SELENOO: variants seen among roughly 807,000 people sequenced by gnomAD.
SELENOO encodes the protein protein adenylyltransferase SelO, mitochondrial.
In SELENOO, 74 loss-of-function variants were observed where a neutral mutation model predicts 58.7. That is an observed-to-expected ratio of 1.26 (90% confidence interval 1.04 to 1.53). The LOEUF (loss-of-function observed/expected upper bound fraction) is 1.53, where lower values mean the gene tolerates loss of function less well. Ranked by LOEUF, SELENOO falls within the 40% of genes most tolerant of loss-of-function variation. SELENOO has a pLI of 0.00. For missense variants in SELENOO, 1,149 were observed against 970.0 expected (o/e 1.18, Z -2.45); for synonymous variants, 543 against 453.2 (o/e 1.20, Z -2.52).
intron 5 of SELENOO, among the ~76,000 whole-genome samples, chr22:50,212,358 G>A (rs1165231388): frequency 6.6e-6 from 1 of 152,048 alleles, no homozygotes; most frequent in Non-Finnish European, 1.5e-5. Context: ...AGTCAGTTTT[G>A]GTAATTTATG....
At chr22:50,213,007 T>C (rs576056934) in intron 5 of SELENOO, among the ~76,000 whole-genome samples, 11 of 152,346 alleles carry the variant, frequency 7.2e-5, no homozygotes, top group Admixed American at 7.2e-4. Context: ...CCATTTACAC[T>C]GTGCATGTCT....
intron 1 of SELENOO, among the ~76,000 whole-genome samples, chr22:50,204,035 C>T (rs571552564): frequency 6.6e-6 from 1 of 152,284 alleles, no homozygotes; most frequent in South Asian, 2.1e-4. Flanking sequence ...TTTGAATAGA[C>T]ATTTCTTCAA....
In SELENOO at chr22:50,201,241, GGCGCCCCGTCCGCGCC is replaced by G; in HGVS notation, c.209_224del (p.Ala70GlyfsTer173). ...GGAGGCGCCGCCGCCCGGTCCCGAG[GGCGCCCCGTCCGCGCC>G]GCGGCCCGTGCCCGGGGCCTGCTTC... On this transcript the variant is annotated frameshift_variant, in exon 1 of 9. Coordinates refer to ENST00000380903, the MANE Select transcript of SELENOO (RefSeq NM_031454.2). LOFTEE classifies it high-confidence loss of function. 9.0e-7 allele frequency: 1 copy of G among 1,113,512 alleles called. No homozygotes were observed. Among genetic ancestry groups the G allele is most frequent in the East Asian group, 5.0e-5 (1 of 19,826 alleles). The allele number at this position is 1,113,512 out of a possible 1,614,324, so 69.0% of individuals were successfully genotyped here.
intron 5 of SELENOO, among the ~76,000 whole-genome samples, chr22:50,212,453 A>AT (rs1248951915): frequency 6.6e-6 from 1 of 152,142 alleles, no homozygotes; most frequent in African/African-American, 2.4e-5. Flanking sequence ...GTTTTTTACA[A>AT]TTTCATTGTG....
chr22:50,208,726 C>T lies in SELENOO; in HGVS notation c.939+10C>T. 2 of 1,607,484 alleles carry T rather than the reference C, an allele frequency of 1.2e-6. No homozygotes were observed. The highest frequency in any genetic ancestry group is 1.7e-6 in the Non-Finnish European group (2 of 1,176,688). ...TGCCTTCTTCCGGGAGGTCAGTGGGCCGCACGCCACCCCTCCCTGCGGGTG... is the reference window on the plus strand; with the variant it reads ...TGCCTTCTTCCGGGAGGTCAGTGGGTCGCACGCCACCCCTCCCTGCGGGTG... On this transcript the variant is annotated intron_variant, in intron 3 of 8. Transcript: ENST00000380903.
At chr22:50,203,633 A>G (rs1293680245) in intron 1 of SELENOO, among the ~76,000 whole-genome samples, 2 of 152,264 alleles carry the variant, frequency 1.3e-5, no homozygotes, top group African/African-American at 2.4e-5. Flanking sequence ...AGACTTTTCA[A>G]CAAATGGTGC....
At chr22:50,213,086 A>T (rs541125733) in intron 5 of SELENOO, among the ~76,000 whole-genome samples, 1 of 152,172 alleles carries the variant, frequency 6.6e-6, no homozygotes, top group South Asian at 2.1e-4. Context: ...TTTTAGACGG[A>T]GTCTTACTCT....
At chr22:50,216,001 C>CAG in intron 6 of SELENOO, 134 bp downstream of exon 6, 2 of 700,118 alleles carry the variant, frequency 2.9e-6, no homozygotes, top group Non-Finnish European at 4.7e-6. Flanking sequence ...GGGACAGATT[C>CAG]AGTCAGGGCT....
intron 5 of SELENOO, among the ~76,000 whole-genome samples, chr22:50,211,226 A>C (rs1389968246): frequency 5.3e-5 from 8 of 152,164 alleles, no homozygotes. Flanking sequence ...GACAGGCCGC[A>C]GTTTGCTTAT....
Position 50,217,000 on chromosome 22 carries a change from G to C in SELENOO, c.1717G>C (p.Ala573Pro). 1 of 1,611,084 alleles carries C rather than the reference G, an allele frequency of 6.2e-7. No homozygotes were observed. The highest frequency in any genetic ancestry group is 1.1e-5 in the South Asian group (1 of 91,072). The change falls in exon 8 of 9, where the codon GCT (alanine) becomes CCT (proline). Residue 573 changes from alanine to proline, a missense_variant. Transcript: ENST00000380903. The stretch of plus-strand genomic sequence containing the variant: ...CCGGCTGGACAAGGACCTGGAAGGC[G>C]CTGGGGACGCTGCCGCCTGGCAGGC... ...RARLDKDLEGAGDAAAWQAEH... is the reference protein window; with the variant it reads ...RARLDKDLEGPGDAAAWQAEH...
chr22:50,210,348 A>C (rs749508236), intron 4 of SELENOO, 37 bp downstream of exon 4: 18 of 1,586,544 alleles, frequency 1.1e-5, no homozygotes, highest in Middle Eastern at 2.0e-4. Flanking sequence ...TGCAGGCCCC[A>C]GGGCTGGGGG....
chr22:50,217,168 T>C (rs1480234456), intron 8 of SELENOO, 37 bp from the exon 9 acceptor site: 1 of 1,609,228 alleles, frequency 6.2e-7, no homozygotes, highest in Non-Finnish European at 8.5e-7. Flanking sequence ...GGGAGGGGGG[T>C]CGGCCCCAGA....
intron 1 of SELENOO, among the ~76,000 whole-genome samples, chr22:50,204,638 G>GT (rs1569100147): frequency 1.3e-5 from 2 of 149,882 alleles, no homozygotes; most frequent in Non-Finnish European, 3.0e-5. Flanking sequence ...AAAAAAAATC[G>GT]TAAGTTAAAA....
chr22:50,214,853 C>T (rs1281053499), intron 5 of SELENOO, among the ~76,000 whole-genome samples: 1 of 152,248 alleles, frequency 6.6e-6, no homozygotes, highest in African/African-American at 2.4e-5. Flanking sequence ...CATCCTTTCA[C>T]TTCCAGCCTG....
Position 50,217,050 on chromosome 22 carries a change from C to T in SELENOO, c.1767C>T (p.Ala589=), listed in dbSNP as rs751008871. Residue 589 remains alanine, a synonymous_variant, in exon 8 of 9, where the codon GCC becomes GCT. Coordinates refer to ENST00000380903, the MANE Select transcript of SELENOO (RefSeq NM_031454.2). ...CTGAGCACGTGCGCGTGATGCACGC[C>T]AACAACCCGAAGTACGTGCTGAGGA... ...WQAEHVRVMH[A]NNPKYVLRNY... is the part of the protein sequence containing the mutation. 1.2e-6 allele frequency: 2 copies of T among 1,612,608 alleles called. No homozygotes were observed. Among genetic ancestry groups the T allele is most frequent in the Middle Eastern group, 1.6e-4 (1 of 6,062 alleles).
chr22:50,215,585 G>C, intron 5 of SELENOO, 132 bp from the exon 6 acceptor site: 1 of 664,396 alleles, frequency 1.5e-6, no homozygotes, highest in Non-Finnish European at 2.5e-6. Flanking sequence ...GCGGTGGGGG[G>C]CGGTGGTGGA....
Position 50,201,023 on chromosome 22 carries a change from G to T in SELENOO, c.-14G>T. ...GGCGGGGCAGGCTGGCTTCCGGCGG[G>T]AGCGGGGCCGCGGATGGCCGTATAC... On this transcript the variant is annotated 5_prime_UTR_variant, in exon 1 of 9. Coordinates refer to ENST00000380903, the MANE Select transcript of SELENOO (RefSeq NM_031454.2). 1.6e-6 allele frequency: 2 copies of T among 1,256,944 alleles called. No individual in the cohort carries two copies. Among genetic ancestry groups the T allele is most frequent in the South Asian group, 2.9e-5 (1 of 34,868 alleles). 77.9% of individuals were successfully genotyped at this position (1,256,944 alleles called of 1,614,324 possible).
chr22:50,208,071 A>G (rs1003940423), intron 2 of SELENOO, among the ~76,000 whole-genome samples: 6 of 151,620 alleles, frequency 4.0e-5, no homozygotes, highest in Non-Finnish European at 8.8e-5. Context: ...GCTGTGGTGC[A>G]TTCTGGTTGG....
At chr22:50,215,672 C>G in intron 5 of SELENOO, 45 bp from the exon 6 acceptor site, 1 of 1,523,820 alleles carries the variant, frequency 6.6e-7, no homozygotes, top group Non-Finnish European at 8.9e-7. Context: ...AGGACAGGGA[C>G]CCTGGGCCTT....
Sources: allele counts gnomAD v4.1 joint callset (sites outside exome capture counted in the v4.1 genomes callset), GRCh38; gene constraint gnomAD v4.1.1; transcripts MANE v1.5; gene names NCBI Gene and HGNC (gene_info 2026-07-23, HGNC 2026-07-21).